Variants in SLC24A2 observed in about 807,000 individuals in gnomAD.
SLC24A2 encodes the protein sodium/potassium/calcium exchanger 2.
SLC24A2 carries 36 observed loss-of-function variants against 62.0 expected under a neutral mutation model. The observed-to-expected ratio is 0.58, with a 90% CI of 0.44 to 0.77. The LOEUF is 0.77. SLC24A2 is among the 30% of genes least tolerant of loss of function. SLC24A2 has a pLI of 0.00. For synonymous variants in SLC24A2, 358 were observed against 294.0 expected (o/e 1.22, Z -2.23); for missense variants, 846 against 817.9 (o/e 1.03, Z -0.42).
At chr9:20,271,278 G>T in the SLC24A2 span, among the ~76,000 whole-genome samples, 2 of 152,152 alleles carry the variant, frequency 1.3e-5, no homozygotes, top group Non-Finnish European at 2.9e-5. Flanking sequence ...ATAATTTACA[G>T]ATCCCTTCAA....
the SLC24A2 span, among the ~76,000 whole-genome samples, chr9:19,846,451 C>T: frequency 3.9e-4 from 59 of 152,222 alleles, no homozygotes; most frequent in African/African-American, 1.4e-3. Context: ...ATAGACTTTC[C>T]TCCAAATCTT....
In SLC24A2 at chr9:19,513,129, G is replaced by T. The variant is rs999805905; in HGVS notation, c.*3024C>A. 1.5e-5 allele frequency: 2 copies of T among 135,594 alleles called. No individual in the cohort carries two copies. The highest frequency in any genetic ancestry group is 3.1e-5 in the Non-Finnish European group (2 of 65,524). 8.4% of individuals were successfully genotyped at this position (135,594 alleles called of 1,614,324 possible). ...GGTGATGATGTAAGTCATATTATAT[G>T]TGTACATATAGATCTGGTATAAAGA... On this transcript the variant is annotated 3_prime_UTR_variant, in exon 11 of 11. Transcript: ENST00000341998.
the SLC24A2 span, among the ~76,000 whole-genome samples, chr9:19,913,761 A>G: frequency 5.2e-4 from 79 of 152,238 alleles, 2 homozygotes; most frequent in East Asian, 0.015. Context: ...TAAGGAAACC[A>G]TGGTCTATGA....
At chr9:20,021,025 C>T in the SLC24A2 span, among the ~76,000 whole-genome samples, 17 of 152,122 alleles carry the variant, frequency 1.1e-4, no homozygotes, top group African/African-American at 3.9e-4. Flanking sequence ...TTTGAGATCA[C>T]ATACTGTATA....
chr9:19,954,623 T>A, the SLC24A2 span, among the ~76,000 whole-genome samples: 2 of 152,026 alleles, frequency 1.3e-5, no homozygotes, highest in East Asian at 1.9e-4. Context: ...CCATATTATA[T>A]CCACCTCTAG....
chr9:20,301,616 C>T, the SLC24A2 span, among the ~76,000 whole-genome samples: 1 of 149,000 alleles, frequency 6.7e-6, no homozygotes, highest in African/African-American at 2.5e-5. Context: ...AGGTTTACAG[C>T]AAAATTGAGA....
intron 2 of SLC24A2, among the ~76,000 whole-genome samples, chr9:19,764,721 T>G (rs1479050446): frequency 6.6e-6 from 1 of 152,204 alleles, no homozygotes; most frequent in African/African-American, 2.4e-5. Flanking sequence ...CTTCCAATTA[T>G]GTGGTTGATT....
intron 2 of SLC24A2, among the ~76,000 whole-genome samples, chr9:19,697,916 GTGACAACTCTATACTTCTAATATA>G (rs1450609978): frequency 1.3e-5 from 2 of 152,074 alleles, no homozygotes; most frequent in African/African-American, 4.8e-5. Context: ...CCCTCTAAAA[GTGACAACTCTATACTTCTAATATA>G]TGTAAATATA....
the SLC24A2 span, among the ~76,000 whole-genome samples, chr9:20,055,626 G>T: frequency 1.3e-5 from 2 of 152,268 alleles, no homozygotes; most frequent in African/African-American, 4.8e-5. Context: ...GGTGGTTCAT[G>T]CCTATAATCC....
At chr9:20,204,470 A>G in the SLC24A2 span, among the ~76,000 whole-genome samples, 654 of 152,342 alleles carry the variant, frequency 4.3e-3, 13 homozygotes, top group Admixed American at 0.032. Context: ...TGAATGCTTG[A>G]CAACACACAC....
At chr9:19,941,217 G>T in the SLC24A2 span, among the ~76,000 whole-genome samples, 1 of 150,988 alleles carries the variant, frequency 6.6e-6, no homozygotes, top group African/African-American at 2.4e-5. Flanking sequence ...GCCCACCCAA[G>T]TTTTACTATG....
chr9:19,643,232 CTCATTA>C (rs906856400), intron 2 of SLC24A2, among the ~76,000 whole-genome samples: 45 of 152,250 alleles, frequency 3.0e-4, no homozygotes, highest in African/African-American at 1.0e-3. Flanking sequence ...TTTTACTAAA[CTCATTA>C]TCTATAGTAT....
At chr9:19,889,560 G>A in the SLC24A2 span, among the ~76,000 whole-genome samples, 9 of 152,202 alleles carry the variant, frequency 5.9e-5, no homozygotes, top group Admixed American at 5.2e-4. Context: ...CAGGGGTGAG[G>A]GATGGGGTCC....
chr9:19,634,925 G>T (rs1818273966), intron 2 of SLC24A2, among the ~76,000 whole-genome samples: 1 of 152,120 alleles, frequency 6.6e-6, no homozygotes, highest in African/African-American at 2.4e-5. Context: ...ATTAAGTAAG[G>T]TTACCACTCA....
rs753004230 is a variant in SLC24A2, at chr9:19,576,927, C to T, written c.1225G>A (p.Val409Met). 40 of 1,611,068 alleles carry T rather than the reference C, an allele frequency of 2.5e-5. No individual in the cohort carries two copies. Among genetic ancestry groups the T allele is most frequent in the Non-Finnish European group, 3.1e-5 (36 of 1,177,276 alleles). Residue 409 changes from valine (V) to methionine (M), a missense_variant, in exon 6 of 11, where the codon GTG becomes ATG. By Grantham distance (21) the Val-to-Met change is conservative. Coordinates refer to ENST00000341998, the MANE Select transcript of SLC24A2 (RefSeq NM_020344.4). Reference protein sequence around the residue: ...NERQNGAANHVEKIELPNSTS... With the variant: ...NERQNGAANHMEKIELPNSTS... The stretch of plus-strand genomic sequence containing the variant: ...GTGGATGTTTCCCTGCACTCACCCA[C>T]GTGGTTGGCAGCCCCATTCTGCCTC...
chr9:20,306,320 G>GAAC, the SLC24A2 span, among the ~76,000 whole-genome samples: 1,551 of 152,180 alleles, frequency 0.01, 28 homozygotes, highest in African/African-American at 0.035. Flanking sequence ...TAACAATAGT[G>GAAC]AACAACAACA....
chr9:19,808,467 T>C, the SLC24A2 span, among the ~76,000 whole-genome samples: 1 of 152,076 alleles, frequency 6.6e-6, no homozygotes. The surrounding 1 kb of genome is among the most constrained non-coding windows in gnomAD (Gnocchi z 4.1). Context: ...GTGTGGGAAA[T>C]TGTGAGAAAA....
chr9:20,175,028 T>C, the SLC24A2 span, among the ~76,000 whole-genome samples: 1 of 150,890 alleles, frequency 6.6e-6, no homozygotes, highest in Non-Finnish European at 1.5e-5. Flanking sequence ...TATATATATA[T>C]ATATATGATG....
At chr9:19,951,561 ATT>A in the SLC24A2 span, among the ~76,000 whole-genome samples, 2 of 150,866 alleles carry the variant, frequency 1.3e-5, no homozygotes, top group South Asian at 4.2e-4. Context: ...GTCAAGATTT[ATT>A]TTTTTTTTCT....
Sources: allele counts gnomAD v4.1 joint callset (sites outside exome capture counted in the v4.1 genomes callset), GRCh38; gene constraint gnomAD v4.1.1; non-coding constraint Gnocchi (gnomAD v3.1); transcripts MANE v1.5; gene names NCBI Gene and HGNC (gene_info 2026-07-23, HGNC 2026-07-21).